Variants in SGCD observed in about 807,000 individuals in gnomAD.
SGCD encodes sarcoglycan delta, also known as delta-sarcoglycan.
Under a neutral mutation model 36.6 loss-of-function variants are expected in SGCD, and 18 were observed. That is an observed-to-expected ratio of 0.49 (90% CI 0.34 to 0.73). The LOEUF is 0.73. SGCD is among the 30% of genes least tolerant of loss of function. SGCD has a pLI of 0.01. For missense variants in SGCD, 387 were observed against 346.7 expected (o/e 1.12, Z -0.92); for synonymous variants, 133 against 130.6 (o/e 1.02, Z -0.12).
At chr5:156,315,149 C>T (rs550692497) in intron 3 of SGCD, among the ~76,000 whole-genome samples, 1 of 152,038 alleles carries the variant, frequency 6.6e-6, no homozygotes, top group South Asian at 2.1e-4. Context: ...CATTAAGTCT[C>T]CAATACCTAT....
chr5:155,910,771 C>G (rs1435881101), intron 1 of SGCD, among the ~76,000 whole-genome samples: 2 of 151,998 alleles, frequency 1.3e-5, no homozygotes, highest in Non-Finnish European at 2.9e-5. Flanking sequence ...ATCATGTACA[C>G]AAAAAAATTC....
At chr5:156,751,468 G>T (rs550185127) in intron 7 of SGCD, among the ~76,000 whole-genome samples, 2 of 152,312 alleles carry the variant, frequency 1.3e-5, no homozygotes, top group East Asian at 3.9e-4. Context: ...AAATTTGTCT[G>T]CATTAAAATG....
chr5:156,000,653 C>A (rs1042892864), intron 1 of SGCD, among the ~76,000 whole-genome samples: 3 of 152,068 alleles, frequency 2.0e-5, no homozygotes, highest in Non-Finnish European at 4.4e-5. Flanking sequence ...CCCCCTGCCT[C>A]CTTACCCCTG....
At chr5:156,497,623 TTC>T (rs375678272) in intron 3 of SGCD, among the ~76,000 whole-genome samples, 14,031 of 146,102 alleles carry the variant, frequency 0.096, 1,055 homozygotes, top group African/African-American at 0.21. Flanking sequence ...TGCGCGTGCT[TTC>T]TCTCTCTCTC....
chr5:156,062,597 G>A (rs1412857358), intron 1 of SGCD, among the ~76,000 whole-genome samples: 1 of 63,508 alleles, frequency 1.6e-5, no homozygotes, highest in Non-Finnish European at 2.8e-5. Flanking sequence ...AGCACCTGTT[G>A]TTTCCTGACT....
chr5:156,691,343 A>G (rs1754104291), intron 7 of SGCD, among the ~76,000 whole-genome samples: 1 of 152,156 alleles, frequency 6.6e-6, no homozygotes. Flanking sequence ...CATGCTGGCC[A>G]TAGTGCGAGA....
intron 7 of SGCD, among the ~76,000 whole-genome samples, chr5:156,671,272 C>CTTTTTTTTTTTTTTTTTT (rs35299523): frequency 9.6e-6 from 1 of 104,424 alleles, no homozygotes; most frequent in Admixed American, 1.0e-4. Context: ...TCTATTGATT[C>CTTTTTTTTTTTTTTTTTT]TTTTTTTTTT....
At chr5:156,270,737 C>A (rs1390874204) in intron 3 of SGCD, among the ~76,000 whole-genome samples, 1 of 152,146 alleles carries the variant, frequency 6.6e-6, no homozygotes, top group African/African-American at 2.4e-5. Context: ...TGTCTCTCAG[C>A]CTTTTTCTCC....
intron 1 of SGCD, among the ~76,000 whole-genome samples, chr5:156,016,990 T>C (rs918840214): frequency 6.6e-6 from 1 of 152,170 alleles, no homozygotes; most frequent in Non-Finnish European, 1.5e-5. Context: ...TTCTCTTCTG[T>C]TGGGGTTTTA....
chr5:156,203,581 G>A (rs1420833858), intron 3 of SGCD, among the ~76,000 whole-genome samples: 4 of 152,014 alleles, frequency 2.6e-5, no homozygotes, highest in Admixed American at 2.0e-4. Flanking sequence ...CTATGTTCCT[G>A]ACACTGTGCT....
the SGCD span, among the ~76,000 whole-genome samples, chr5:155,773,740 C>T: frequency 3.9e-5 from 6 of 152,204 alleles, no homozygotes; most frequent in Middle Eastern, 6.8e-3. Context: ...AAAGAGACAA[C>T]ATTTGGATCA....
At chr5:156,402,961 A>C in intron 3 of SGCD, among the ~76,000 whole-genome samples, 2 of 152,244 alleles carry the variant, frequency 1.3e-5, no homozygotes, top group Middle Eastern at 6.8e-3. Context: ...TGCCGTACTG[A>C]TTTCCCCAGC....
chr5:155,936,055 T>G (rs1004648089), intron 1 of SGCD, among the ~76,000 whole-genome samples: 5 of 152,136 alleles, frequency 3.3e-5, no homozygotes, highest in African/African-American at 1.2e-4. Flanking sequence ...GCCTGGAAGC[T>G]TGGAGATGCC....
intron 4 of SGCD, among the ~76,000 whole-genome samples, chr5:156,512,502 C>T (rs256838): frequency 0.15 from 22,912 of 152,164 alleles, 2,173 homozygotes; most frequent in East Asian, 0.23. Context: ...GGTGTAAGGA[C>T]ACTCTATGAT....
intron 1 of SGCD, among the ~76,000 whole-genome samples, chr5:156,079,018 T>TAAAAAA (rs575699645): frequency 9.8e-6 from 1 of 102,494 alleles, no homozygotes; most frequent in Non-Finnish European, 2.1e-5. Flanking sequence ...GGGTAATTTG[T>TAAAAAA]AAAAAAAAAA....
intron 1 of SGCD, among the ~76,000 whole-genome samples, chr5:155,982,702 C>T (rs994935668): frequency 6.6e-6 from 1 of 152,182 alleles, no homozygotes; most frequent in Non-Finnish European, 1.5e-5. Context: ...CTAATTACCG[C>T]ATGCCTGAAC....
At chr5:156,033,625 C>CT (rs2127576384) in intron 1 of SGCD, among the ~76,000 whole-genome samples, 1 of 152,290 alleles carries the variant, frequency 6.6e-6, no homozygotes, top group South Asian at 2.1e-4. Flanking sequence ...AAACTCTCCT[C>CT]TTTAATGGAG....
intron 1 of SGCD, among the ~76,000 whole-genome samples, chr5:156,053,412 A>G (rs187940210): frequency 6.8e-6 from 1 of 146,600 alleles, no homozygotes; most frequent in East Asian, 1.9e-4. Flanking sequence ...GAATCCATCT[A>G]AAAGGTAGTG....
intron 1 of SGCD, among the ~76,000 whole-genome samples, chr5:156,065,391 GC>G (rs1760316163): frequency 8.0e-6 from 1 of 124,870 alleles, no homozygotes; most frequent in Non-Finnish European, 1.6e-5. Flanking sequence ...GTGGTGTGGT[GC>G]TGAGAAGAAT....
Sources: allele counts gnomAD v4.1 joint callset (sites outside exome capture counted in the v4.1 genomes callset), GRCh38; gene constraint gnomAD v4.1.1; transcripts MANE v1.5; gene names NCBI Gene and HGNC (gene_info 2026-07-23, HGNC 2026-07-21).